SLC23A2: variants seen among roughly 807,000 people sequenced by gnomAD.
The protein encoded by SLC23A2 is Na(+)/L-ascorbic acid transporter 2.
SLC23A2 carries 36 observed loss-of-function variants against 73.3 expected under a neutral mutation model. That is an observed-to-expected ratio of 0.49 (90% CI 0.38 to 0.65). SLC23A2 has a LOEUF of 0.65. Ranked by LOEUF, SLC23A2 falls within the 30% of genes least tolerant of loss-of-function variation. SLC23A2 has a pLI of 0.00. For missense variants in SLC23A2, 507 were observed against 841.6 expected, an observed-to-expected ratio of 0.60 and a Z score of 4.92; for synonymous variants, 343 against 327.3, an observed-to-expected ratio of 1.05 and a Z score of -0.52.
At chr20:4,875,570 G>C (rs1291421246) in intron 9 of SLC23A2, among the ~76,000 whole-genome samples, 1 of 152,118 alleles carries the variant, frequency 6.6e-6, no homozygotes, top group Non-Finnish European at 1.5e-5. Context: ...TGAGCCTCAC[G>C]GTCCTGACTG....
chr20:4,885,832 C>A lies in SLC23A2; in HGVS notation c.560G>T (p.Cys187Phe). ...ATAACTGCAATTACCTGTGGTGTTA[C>A]ATTTCCATTTATCTAAAGACAGGAT... is the stretch of plus-strand genomic sequence containing the variant. ...RAILSLDKWKCNTTDVSVANG... is the reference protein window; with the variant it reads ...RAILSLDKWKFNTTDVSVANG... Residue 187 changes from cysteine (C) to phenylalanine (F), a missense_variant, in exon 7 of 17, where the codon TGT becomes TTT. By Grantham distance (205) the Cys-to-Phe change is radical. Around this residue, in one of 5 missense-constraint regions of SLC23A2, gnomAD observed 217 missense variants for 398.0 expected, o/e 0.55. Coordinates refer to ENST00000338244, the MANE Select transcript of SLC23A2 (RefSeq NM_005116.6). 1 of 1,611,082 alleles carries A rather than the reference C, an allele frequency of 6.2e-7. No homozygotes were observed. The highest frequency in any genetic ancestry group is 8.5e-7 in the Non-Finnish European group (1 of 1,177,254).
At chr20:4,890,449 T>C (rs1931289045) in intron 6 of SLC23A2, among the ~76,000 whole-genome samples, 1 of 152,014 alleles carries the variant, frequency 6.6e-6, no homozygotes. Flanking sequence ...GGTCATGAGT[T>C]CGAGACCAGC....
At chr20:4,881,032 G>A (rs533718615) in intron 9 of SLC23A2, among the ~76,000 whole-genome samples, 249 of 152,334 alleles carry the variant, frequency 1.6e-3, no homozygotes, top group Non-Finnish European at 2.6e-3. Flanking sequence ...AATTTGTTCC[G>A]GAGGAGGAAG....
At chr20:5,003,315 C>T (rs113262153), upstream of SLC23A2, among the ~76,000 whole-genome samples, 3,689 of 152,006 alleles carry the variant, frequency 0.024, 149 homozygotes, top group South Asian at 0.16. Flanking sequence ...ACCCGGGAGG[C>T]GGAGCTTGCA....
intron 1 of SLC23A2, among the ~76,000 whole-genome samples, chr20:4,997,701 T>C (rs578207648): frequency 6.6e-6 from 1 of 152,334 alleles, no homozygotes; most frequent in Admixed American, 6.5e-5. Flanking sequence ...CATGGCTCAC[T>C]GCAGCCTCAA....
At chr20:4,880,811 G>T (rs765048331) in intron 9 of SLC23A2, among the ~76,000 whole-genome samples, 2 of 152,036 alleles carry the variant, frequency 1.3e-5, no homozygotes, top group Non-Finnish European at 2.9e-5. Flanking sequence ...AGGGCAGCAC[G>T]TGAGGCTCCA....
chr20:4,950,332 A>G (rs1360895834), intron 2 of SLC23A2, among the ~76,000 whole-genome samples: 1 of 152,156 alleles, frequency 6.6e-6, no homozygotes, highest in Non-Finnish European at 1.5e-5. Context: ...CATTTCCCCA[A>G]TCAGGGCCCA....
At chr20:4,968,943 G>A (rs372980933) in intron 2 of SLC23A2, among the ~76,000 whole-genome samples, 25 of 151,620 alleles carry the variant, frequency 1.6e-4, no homozygotes, top group African/African-American at 5.3e-4. Context: ...GGCTGGTCTC[G>A]AACTCCTGAC....
intron 6 of SLC23A2, among the ~76,000 whole-genome samples, chr20:4,891,299 GAGGACTCAA>G: frequency 2.0e-5 from 3 of 152,312 alleles, no homozygotes; most frequent in African/African-American, 7.2e-5. Flanking sequence ...CATGTAACAA[GAGGACTCAA>G]TCAGACTCCC....
rs1000605857 is a variant in SLC23A2, at chr20:4,998,466, C to T, written c.-282+2940G>A. Among the ~76,000 whole-genome samples the T allele has an allele frequency of 1.3e-5, 2 of 152,042 alleles. No individual in the cohort carries two copies. The highest frequency in any genetic ancestry group is 2.9e-5 in the Non-Finnish European group (2 of 68,008). The stretch of plus-strand genomic sequence containing the variant: ...AAAGCCACAGAGAAAATGAGAAGAA[C>T]GGCATAGCGCACAAAGGGCTCGTTT... On this transcript the variant is annotated intron_variant, in intron 1 of 16. Coordinates refer to ENST00000338244, the MANE Select transcript of SLC23A2 (RefSeq NM_005116.6). This position sits in a 1 kb window ranked among gnomAD's most constrained non-coding sequence, Gnocchi z 4.1.
At chr20:4,962,104 G>C (rs2087400379) in intron 2 of SLC23A2, among the ~76,000 whole-genome samples, 1 of 151,032 alleles carries the variant, frequency 6.6e-6, no homozygotes, top group African/African-American at 2.4e-5. Context: ...GGACAGAAGT[G>C]ACTATGGAAG....
At chr20:4,971,645 G>C (rs907402920) in intron 1 of SLC23A2, among the ~76,000 whole-genome samples, 1 of 150,176 alleles carries the variant, frequency 6.7e-6, no homozygotes, top group African/African-American at 2.5e-5. Flanking sequence ...AAATTATCTC[G>C]TCGTGGTGGC....
chr20:4,885,675 G>T, intron 7 of SLC23A2, 146 bp downstream of exon 7: 2 of 655,434 alleles, frequency 3.1e-6, no homozygotes. Context: ...ATCCACAGAT[G>T]GAGCATTCTA....
At chr20:4,925,285 A>G (rs1052059569) in intron 3 of SLC23A2, among the ~76,000 whole-genome samples, 10 of 152,170 alleles carry the variant, frequency 6.6e-5, no homozygotes, top group Non-Finnish European at 2.9e-5. Context: ...CCTATTTTTA[A>G]AAGGACAAAT....
intron 3 of SLC23A2, among the ~76,000 whole-genome samples, chr20:4,924,052 C>T (rs1293417400): frequency 6.6e-6 from 1 of 152,036 alleles, no homozygotes; most frequent in African/African-American, 2.4e-5. Flanking sequence ...CTCCCCTCCG[C>T]TCTGGGGCAT....
At chr20:4,989,886 G>A (rs768040696) in intron 1 of SLC23A2, among the ~76,000 whole-genome samples, 16 of 152,162 alleles carry the variant, frequency 1.1e-4, no homozygotes, top group Non-Finnish European at 1.9e-4. Flanking sequence ...GTTTGGTTAA[G>A]TAGCATAGCA....
intron 15 of SLC23A2, among the ~76,000 whole-genome samples, chr20:4,860,100 T>C (rs1490453803): frequency 6.6e-6 from 1 of 152,210 alleles, no homozygotes; most frequent in East Asian, 1.9e-4. Context: ...AATTACCACA[T>C]GACCCAATTA....
intron 2 of SLC23A2, among the ~76,000 whole-genome samples, chr20:4,954,568 G>T (rs1290314035): frequency 2.0e-5 from 3 of 151,756 alleles, no homozygotes; most frequent in Non-Finnish European, 4.4e-5. Context: ...CGTGGTGGCG[G>T]GCGCCTGTAG....
At chr20:4,966,483 T>G (rs925136194) in intron 2 of SLC23A2, among the ~76,000 whole-genome samples, 1 of 152,148 alleles carries the variant, frequency 6.6e-6, no homozygotes, top group Non-Finnish European at 1.5e-5. Flanking sequence ...GTATGTGCTA[T>G]GAATGTAACA....
Sources: gnomAD v4.1 joint callset for allele counts (sites outside exome capture counted in the v4.1 genomes callset) on GRCh38, gnomAD v4.1.1 for gene constraint, gnomAD v4.1.1 regional missense constraint, Gnocchi (gnomAD v3.1) non-coding constraint, MANE v1.5 for transcripts, NCBI Gene and HGNC (gene_info 2026-07-23, HGNC 2026-07-21) for gene names.